The following WDR6 variants were observed in gnomAD, a reference collection of about 807,000 sequenced individuals.
WDR6 encodes tRNA (34-2'-O)-methyltransferase regulator WDR6.
A neutral mutation model predicts 85.6 loss-of-function variants in WDR6; 58 were observed. That is an observed-to-expected ratio of 0.68 (90% CI 0.55 to 0.84). WDR6 has a LOEUF of 0.84. Ranked by LOEUF, WDR6 falls within the 40% of genes least tolerant of loss-of-function variation. WDR6 has a pLI of 0.00. For missense variants in WDR6, 1,310 were observed against 1,476.4 expected, an observed-to-expected ratio of 0.89 and a Z score of 1.85; for synonymous variants, 569 against 582.2, an observed-to-expected ratio of 0.98 and a Z score of 0.33.
intron 1 of WDR6, 52 bp from the exon 2 acceptor site, chr3:49,011,583 G>C (rs1258079042): frequency 2.5e-6 from 4 of 1,611,442 alleles, no homozygotes; most frequent in Admixed American, 1.7e-5. Context: ...CTTCCCTGTG[G>C]GTCATCAGAG....
chr3:49,015,644 C>T lies in WDR6; in HGVS notation c.*356C>T. ...ATAGCCAGGCCAGTATGGAGCACCT[C>T]ACGCACAGCTCTCAGAAGCTGCAGG... On this transcript the variant is annotated 3_prime_UTR_variant, in exon 6 of 6. Coordinates refer to ENST00000608424, the MANE Select transcript of WDR6 (RefSeq NM_018031.6). 1.2e-6 allele frequency: 2 copies of T among 1,614,158 alleles called. No individual in the cohort carries two copies. The highest frequency in any genetic ancestry group is 1.7e-6 in the Non-Finnish European group (2 of 1,180,026).
At chr3:49,009,175 C>G (rs1390963111) in intron 1 of WDR6, among the ~76,000 whole-genome samples, 1 of 152,150 alleles carries the variant, frequency 6.6e-6, no homozygotes, top group East Asian at 1.9e-4. Flanking sequence ...AGCCACCATA[C>G]CCGGCCTCTC....
At chr3:49,011,517 G>A in intron 1 of WDR6, 118 bp from the exon 2 acceptor site, 1 of 1,611,494 alleles carries the variant, frequency 6.2e-7, no homozygotes, top group Non-Finnish European at 8.5e-7. Flanking sequence ...CTGCAGGATT[G>A]TGTGTCCTGA....
Position 49,015,683 on chromosome 3 carries a change from G to T in WDR6, c.*395G>T. On this transcript the variant is annotated 3_prime_UTR_variant, in exon 6 of 6. Coordinates refer to ENST00000608424, the MANE Select transcript of WDR6 (RefSeq NM_018031.6). The stretch of plus-strand genomic sequence containing the variant: ...AGAAGCTGCAGGCGGACGAACATCT[G>T]ACCAAAGAGGTGTGGTCGAGGCTCC... 1 of 1,614,114 alleles carries T rather than the reference G, an allele frequency of 6.2e-7. No individual in the cohort carries two copies.
In WDR6 at chr3:49,011,783, G is replaced by A. The variant is rs779475331; in HGVS notation, c.249G>A (p.Met83Ile). The part of the protein sequence containing the change: ...EPNGDLDLEA[M>I]VAVFGSKGLR... Reference sequence around the variant, plus strand: ...ATGGAGACCTTGACTTGGAGGCCATGGTGGCTGTGTTTGGAAGCAAGGGAC... The same window carrying A: ...ATGGAGACCTTGACTTGGAGGCCATAGTGGCTGTGTTTGGAAGCAAGGGAC... Residue 83 changes from methionine to isoleucine, a missense_variant, in exon 2 of 6, where the codon ATG (methionine) becomes ATA (isoleucine). Met to Ile is a conservative substitution (Grantham distance 10). Transcript: ENST00000608424. The A allele has an allele frequency of 6.2e-7, 1 of 1,614,236 alleles. No homozygotes were observed. The highest frequency in any genetic ancestry group is 1.7e-5 in the Admixed American group (1 of 60,032).
Position 49,015,912 on chromosome 3 carries a change from C to CTTTA in WDR6, c.*626_*627insTATT. ...TGAGTCACTGGCCCATCTCTTTGCT[C>CTTTA]TTGTGCCCCAGGCCAGAATAAAGAA... On this transcript the variant is annotated 3_prime_UTR_variant, in exon 6 of 6. Coordinates refer to ENST00000608424, the MANE Select transcript of WDR6 (RefSeq NM_018031.6). 6.2e-7 allele frequency: 1 copy of CTTTA among 1,614,206 alleles called. No individual in the cohort carries two copies. The highest frequency in any genetic ancestry group is 8.5e-7 in the Non-Finnish European group (1 of 1,180,034).
rs1174577216 is a variant in WDR6, at chr3:49,012,345, C to T, written c.811C>T (p.Leu271Phe). The T allele has an allele frequency of 1.2e-6, 2 of 1,614,222 alleles. No homozygotes were observed. Among genetic ancestry groups the T allele is most frequent in the Non-Finnish European group, 1.7e-6 (2 of 1,180,044 alleles). ...GCAGGTCAAGCTTCTAGAGAATTACCTTATCAGTGCAGGAGAGGATTGTGT... is the reference window on the plus strand; with the variant it reads ...GCAGGTCAAGCTTCTAGAGAATTACTTTATCAGTGCAGGAGAGGATTGTGT... ...VWQVKLLENY[L>F]ISAGEDCVCL... The change falls in exon 2 of 6, where the codon CTT (leucine) becomes TTT (phenylalanine). Residue 271 changes from leucine (L) to phenylalanine (F), a missense_variant. Coordinates refer to ENST00000608424, the MANE Select transcript of WDR6 (RefSeq NM_018031.6). This position sits in a 1 kb window ranked among gnomAD's most constrained non-coding sequence, Gnocchi z 4.4.
In WDR6 at chr3:49,013,396, TAGTG is replaced by T; in HGVS notation, c.1863_1866del (p.Val622ProfsTer71). Reference sequence around the variant, plus strand: ...ATGAACTGGCTAGCTGGGCTCCGTATAGTGCCCGATGGGAGCATGGTTATCCTGG... The same window carrying T: ...ATGAACTGGCTAGCTGGGCTCCGTATCCCGATGGGAGCATGGTTATCCTGG... On this transcript the variant is annotated frameshift_variant, in exon 2 of 6. Transcript: ENST00000608424. LOFTEE classifies it high-confidence loss of function. The surrounding 1 kb of genome is among the most constrained non-coding windows in gnomAD (Gnocchi z 4.6). The T allele has an allele frequency of 6.2e-7, 1 of 1,614,198 alleles. No homozygotes were observed. Among genetic ancestry groups the T allele is most frequent in the Non-Finnish European group, 8.5e-7 (1 of 1,180,024 alleles).
chr3:49,009,595 C>A (rs555031441), intron 1 of WDR6, among the ~76,000 whole-genome samples: 1 of 152,098 alleles, frequency 6.6e-6, no homozygotes, highest in Non-Finnish European at 1.5e-5. Context: ...TGGAGACAGC[C>A]GTACGTGTCT....
At position 49,015,327 on chromosome 3, in the gene WDR6, G is replaced by T; in HGVS notation, c.*39G>T. On this transcript the variant is annotated 3_prime_UTR_variant, in exon 6 of 6. Transcript: ENST00000608424. ...GGCTGGCGTGCTGGGCATGGGGCCT[G>T]CTCACAGACAGCATGGAGCAGGGAT... The T allele has an allele frequency of 6.3e-7, 1 of 1,591,190 alleles. No homozygotes were observed.
In WDR6 at chr3:49,012,548, G is replaced by A. The variant is rs370858277; in HGVS notation, c.1014G>A (p.Ser338=). 9 of 1,613,858 alleles carry A rather than the reference G, an allele frequency of 5.6e-6. No homozygotes were observed. The African/African-American group carries it at 6.7e-5, about 12-fold the overall frequency. ...GTGGGTACCGGGGATTGGGGGTCTC[G>A]GCTCTCTGCTTCAAGTCCCGTAGTA... ...VGRGYRGLGV[S]ALCFKSRSRP... is the part of the protein sequence containing the mutation. Residue 338 remains serine, a synonymous_variant, in exon 2 of 6, where the codon TCG becomes TCA. Transcript: ENST00000608424. This position sits in a 1 kb window ranked among gnomAD's most constrained non-coding sequence, Gnocchi z 4.4.
chr3:49,013,039 C>T lies in WDR6; in HGVS notation c.1505C>T (p.Pro502Leu). The T allele has an allele frequency of 6.2e-7, 1 of 1,612,444 alleles. No homozygotes were observed. The highest frequency in any genetic ancestry group is 8.5e-7 in the Non-Finnish European group (1 of 1,178,862). Reference protein sequence around the residue: ...RWHTCSAFLPPGDFLVCGDRR... With the variant: ...RWHTCSAFLPLGDFLVCGDRR... ...CACACATGCAGTGCCTTCCTACCCC[C>T]AGGTGACTTCCTGGTGTGTGGTGAC... The change falls in exon 2 of 6, where the codon CCA becomes CTA. Residue 502 changes from proline (P) to leucine (L), a missense_variant. Transcript: ENST00000608424. This position sits in a 1 kb window ranked among gnomAD's most constrained non-coding sequence, Gnocchi z 4.6.
At chr3:49,011,240 A>T in intron 1 of WDR6, 1 of 390,794 alleles carries the variant, frequency 2.6e-6, no homozygotes, top group Non-Finnish European at 4.9e-6. Flanking sequence ...ACGTGCCACC[A>T]CACCTGGCTA....
At position 49,014,747 on chromosome 3, in the gene WDR6, C is replaced by A. The variant is rs1348943314; in HGVS notation, c.2902+29C>A. 1.2e-6 allele frequency: 2 copies of A among 1,611,584 alleles called. No individual in the cohort carries two copies. Among genetic ancestry groups the A allele is most frequent in the African/African-American group, 2.7e-5 (2 of 74,862 alleles). ...AGTAGCTAATGTGCAACCATGGCTA[C>A]CCCTCCTCACCTGTCACATAGCCCT... is the stretch of plus-strand genomic sequence containing the variant. On this transcript the variant is annotated intron_variant, in intron 5 of 5. Coordinates refer to ENST00000608424, the MANE Select transcript of WDR6 (RefSeq NM_018031.6). This position sits in a 1 kb window ranked among gnomAD's most constrained non-coding sequence, Gnocchi z 4.9.
At position 49,012,537 on chromosome 3, in the gene WDR6, T is replaced by C. The variant is rs1575276424; in HGVS notation, c.1003T>C (p.Leu335=). Reference sequence around the variant, plus strand: ...CTTGGTAGGGCGTGGGTACCGGGGATTGGGGGTCTCGGCTCTCTGCTTCAA... The same window carrying C: ...CTTGGTAGGGCGTGGGTACCGGGGACTGGGGGTCTCGGCTCTCTGCTTCAA... ...WHLVGRGYRG[L]GVSALCFKSR... Residue 335 remains leucine, a synonymous_variant, in exon 2 of 6, where the codon TTG becomes CTG. Coordinates refer to ENST00000608424, the MANE Select transcript of WDR6 (RefSeq NM_018031.6). This position sits in a 1 kb window ranked among gnomAD's most constrained non-coding sequence, Gnocchi z 4.4. 4 of 1,613,758 alleles carry C rather than the reference T, an allele frequency of 2.5e-6. No individual in the cohort carries two copies. Among genetic ancestry groups the C allele is most frequent in the Non-Finnish European group, 3.4e-6 (4 of 1,179,956 alleles).
In WDR6 at chr3:49,013,823, A is replaced by G. The variant is rs1435767966; in HGVS notation, c.2289A>G (p.Ser763=). The G allele has an allele frequency of 3.7e-6, 6 of 1,614,014 alleles. No homozygotes were observed. Among genetic ancestry groups the G allele is most frequent in the Non-Finnish European group, 4.2e-6 (5 of 1,180,016 alleles). Residue 763 remains serine (S), a synonymous_variant, in exon 2 of 6, where the codon TCA becomes TCG. Transcript: ENST00000608424. The surrounding 1 kb of genome is among the most constrained non-coding windows in gnomAD (Gnocchi z 4.6). ...CVLALPTTTG[S]AHALTAVCNH... ...TAGCACTCCCTACAACCACAGGCTC[A>G]GCCCACGCACTCACAGCTGTTTGTA...
chr3:49,012,036 G>C lies in WDR6; in HGVS notation c.502G>C (p.Asp168His), dbSNP rs767008449. ...CTLSSACLIG[D>H]AWKELTIVAG... The stretch of plus-strand genomic sequence containing the variant: ...CCTCTCTTCAGCCTGCCTGATTGGA[G>C]ACGCCTGGAAGGAGCTGACCATAGT... The change falls in exon 2 of 6, where the codon GAC (aspartate) becomes CAC (histidine). Residue 168 changes from aspartate (D) to histidine (H), a missense_variant. Physicochemically the swap from Asp to His is moderately conservative, Grantham distance 81. Transcript: ENST00000608424. This position sits in a 1 kb window ranked among gnomAD's most constrained non-coding sequence, Gnocchi z 4.4. 2.5e-6 allele frequency: 4 copies of C among 1,614,160 alleles called. No individual in the cohort carries two copies. The highest frequency in any genetic ancestry group is 3.4e-6 in the Non-Finnish European group (4 of 1,180,028).
rs766413708 is a variant in WDR6 at position 49,014,194 on chromosome 3, C to T, written c.2583-16C>T. On this transcript the variant is annotated splice_polypyrimidine_tract_variant and intron_variant, in intron 2 of 5. Transcript: ENST00000608424. The surrounding 1 kb of genome is among the most constrained non-coding windows in gnomAD (Gnocchi z 4.9). ...GCTTGCAGGCTCCACCTGACAGCTG[C>T]ATGTTGTCTCTGCAGGTACATGTCC... 9 of 1,614,050 alleles carry T rather than the reference C, an allele frequency of 5.6e-6. No homozygotes were observed. The highest frequency in any genetic ancestry group is 3.3e-5 in the South Asian group (3 of 91,088).
chr3:49,015,482 C>T lies in WDR6; in HGVS notation c.*194C>T. 2 of 1,548,176 alleles carry T rather than the reference C, an allele frequency of 1.3e-6. No individual in the cohort carries two copies. The highest frequency in any genetic ancestry group is 1.8e-6 in the Non-Finnish European group (2 of 1,132,404). ...ATATGCCCGACTCCCCATGACAAGA[C>T]AGAACTTTGTAACAAACAGTACCAA... On this transcript the variant is annotated 3_prime_UTR_variant, in exon 6 of 6. Coordinates refer to ENST00000608424, the MANE Select transcript of WDR6 (RefSeq NM_018031.6).
Sources: gnomAD v4.1 joint callset for allele counts (sites outside exome capture counted in the v4.1 genomes callset) on GRCh38, gnomAD v4.1.1 for gene constraint, Gnocchi (gnomAD v3.1) non-coding constraint, MANE v1.5 for transcripts, NCBI Gene and HGNC (gene_info 2026-07-23, HGNC 2026-07-21) for gene names.